Variants in CADM2 observed in about 807,000 individuals in gnomAD.
The protein encoded by CADM2 is cell adhesion molecule 2.
In CADM2, 12 loss-of-function variants were observed where a neutral mutation model predicts 49.8. The ratio of observed to expected loss-of-function variants is 0.24; its 90% CI spans 0.15 to 0.39. The LOEUF (loss-of-function observed/expected upper bound fraction) is 0.39. CADM2 is among the 10% of genes least tolerant of loss of function. CADM2 has a pLI of 1.00. For synonymous variants in CADM2, 214 were observed against 175.4 expected (o/e 1.22, Z -1.74); for missense variants, 378 against 492.3 (o/e 0.77, Z 2.20).
intron 1 of CADM2, among the ~76,000 whole-genome samples, chr3:85,408,037 G>T (rs924088977): frequency 4.3e-5 from 5 of 115,750 alleles, no homozygotes; most frequent in Admixed American, 8.6e-5. Flanking sequence ...AAAAGAAGAA[G>T]AAGAAAAAAA....
chr3:85,900,316 T>C (rs547060706), intron 5 of CADM2, among the ~76,000 whole-genome samples: 42 of 152,284 alleles, frequency 2.8e-4, no homozygotes, highest in Non-Finnish European at 5.6e-4. Flanking sequence ...TTTTGCTTGT[T>C]TAAGGTTTAT....
intron 6 of CADM2, among the ~76,000 whole-genome samples, chr3:85,926,114 C>T (rs1287203784): frequency 1.3e-5 from 2 of 149,544 alleles, no homozygotes; most frequent in Non-Finnish European, 3.0e-5. Context: ...TCCAGCCGGA[C>T]GACAGAGTGA....
At chr3:85,276,982 G>T (rs141507851) in intron 1 of CADM2, among the ~76,000 whole-genome samples, 2 of 151,008 alleles carry the variant, frequency 1.3e-5, no homozygotes, top group African/African-American at 4.8e-5. Flanking sequence ...ATTTAATATG[G>T]TATTTATATG....
intron 1 of CADM2, among the ~76,000 whole-genome samples, chr3:85,274,034 G>A (rs1576258409): frequency 6.6e-6 from 1 of 151,442 alleles, no homozygotes; most frequent in African/African-American, 2.4e-5. Context: ...GAGTGAGAAA[G>A]GTTAACTGGA....
intron 1 of CADM2, among the ~76,000 whole-genome samples, chr3:85,640,555 A>G (rs1489339789): frequency 6.6e-6 from 1 of 152,236 alleles, no homozygotes; most frequent in Non-Finnish European, 1.5e-5. Context: ...TATGAGAGAG[A>G]TTGACATTTT....
intron 1 of CADM2, among the ~76,000 whole-genome samples, chr3:85,012,343 A>G (rs1389305033): frequency 1.3e-5 from 2 of 151,106 alleles, no homozygotes. Context: ...CTTAGCACTT[A>G]AAATGCTGTG....
At chr3:85,922,618 C>A (rs539931690) in intron 6 of CADM2, among the ~76,000 whole-genome samples, 2 of 152,156 alleles carry the variant, frequency 1.3e-5, no homozygotes, top group Non-Finnish European at 2.9e-5. Flanking sequence ...AGTCAAGCTT[C>A]AAAATGCATC....
At chr3:85,318,201 A>G (rs950862184) in intron 1 of CADM2, among the ~76,000 whole-genome samples, 1 of 151,336 alleles carries the variant, frequency 6.6e-6, no homozygotes, top group African/African-American at 2.4e-5. Flanking sequence ...AGAAAAAAAT[A>G]TATATATAGT....
intron 1 of CADM2, among the ~76,000 whole-genome samples, chr3:85,689,731 G>A (rs1349777187): frequency 5.3e-5 from 8 of 152,174 alleles, no homozygotes; most frequent in Admixed American, 5.2e-4. Context: ...TTGAAAATGA[G>A]CAGATTATTC....
At chr3:85,184,447 CT>C (rs1363608294) in intron 1 of CADM2, among the ~76,000 whole-genome samples, 1 of 152,006 alleles carries the variant, frequency 6.6e-6, no homozygotes, top group African/African-American at 2.4e-5. Flanking sequence ...AAATATGCAA[CT>C]TTAAAAATAT....
At chr3:85,606,811 G>GT (rs1384977624) in intron 1 of CADM2, among the ~76,000 whole-genome samples, 2 of 152,000 alleles carry the variant, frequency 1.3e-5, no homozygotes, top group Non-Finnish European at 2.9e-5. Flanking sequence ...TTTCTTCTGA[G>GT]TATCTTTGAA....
chr3:85,745,262 TTAAAAA>T lies in CADM2; in HGVS notation c.88+18721_88+18726del, dbSNP rs1161409703. Among the ~76,000 whole-genome samples, 5 of 152,172 alleles carry T rather than the reference TTAAAAA, an allele frequency of 3.3e-5. No individual in the cohort carries two copies. In the East Asian group the frequency reaches 9.6e-4, roughly 29 times the overall value. ...TTGGGGAAATTTTAAATTGAAGTTGTTAAAAATAAAAAATCTCCATGCTTTTAAAAA... is the reference window on the plus strand; with the variant it reads ...TTGGGGAAATTTTAAATTGAAGTTGTTAAAAAATCTCCATGCTTTTAAAAA... On this transcript the variant is annotated intron_variant, in intron 2 of 9. Transcript: ENST00000383699.
intron 1 of CADM2, among the ~76,000 whole-genome samples, chr3:85,022,902 T>G (rs1290359445): frequency 6.6e-6 from 1 of 152,100 alleles, no homozygotes; most frequent in Admixed American, 6.6e-5. Context: ...TTTCTTATTT[T>G]ATTATAACAT....
chr3:85,482,732 G>A (rs1008560752), intron 1 of CADM2, among the ~76,000 whole-genome samples: 8 of 151,530 alleles, frequency 5.3e-5, no homozygotes, highest in Non-Finnish European at 1.0e-4. Flanking sequence ...TTAAACTAGA[G>A]AGTACATTTC....
Position 85,545,120 on chromosome 3 carries a change from TA to T in CADM2, c.62-181401del, listed in dbSNP as rs561515536. On this transcript the variant is annotated intron_variant, in intron 1 of 9. Coordinates refer to ENST00000383699, the MANE Select transcript of CADM2 (RefSeq NM_001167675.2). Reference sequence around the variant, plus strand: ...AACGGAAGAAAGCATGCTGATGTGTTATTTGGTGGGCTGGTATGGGACTAAT... The same window carrying T: ...AACGGAAGAAAGCATGCTGATGTGTTTTTGGTGGGCTGGTATGGGACTAAT... 1.0e-3 allele frequency among the ~76,000 whole-genome samples: 159 copies of T among 152,294 alleles called. 1 individual carries two copies. Among genetic ancestry groups the T allele is most frequent in the Non-Finnish European group, 2.0e-3 (137 of 68,022 alleles).
intron 1 of CADM2, among the ~76,000 whole-genome samples, chr3:85,565,999 CCTTTCT>C (rs1205051985): frequency 6.6e-6 from 1 of 151,934 alleles, no homozygotes; most frequent in African/African-American, 2.4e-5. Context: ...TTAATAAACC[CCTTTCT>C]CTAAGTCTCA....
At chr3:85,680,455 G>A (rs2066009346) in intron 1 of CADM2, among the ~76,000 whole-genome samples, 1 of 152,120 alleles carries the variant, frequency 6.6e-6, no homozygotes, top group Non-Finnish European at 1.5e-5. Context: ...TCCGTCTCCA[G>A]TTAGGTATGC....
At chr3:85,128,400 G>A (rs138018210) in intron 1 of CADM2, among the ~76,000 whole-genome samples, 122 of 152,174 alleles carry the variant, frequency 8.0e-4, no homozygotes, top group Admixed American at 4.6e-3. Context: ...TTAATTTTTT[G>A]TTTGAAAATG....
intron 6 of CADM2, among the ~76,000 whole-genome samples, chr3:85,923,456 G>T (rs1323751635): frequency 6.6e-6 from 1 of 150,702 alleles, no homozygotes; most frequent in African/African-American, 2.4e-5. Context: ...AATAATTTTG[G>T]GGTGTCTTTA....
Sources: gnomAD v4.1 joint callset for allele counts (sites outside exome capture counted in the v4.1 genomes callset) on GRCh38, gnomAD v4.1.1 for gene constraint, MANE v1.5 for transcripts, NCBI Gene and HGNC (gene_info 2026-07-23, HGNC 2026-07-21) for gene names.